PARD3B: variants seen among roughly 807,000 people sequenced by gnomAD.
The protein encoded by PARD3B is partitioning defective 3 homolog B.
In PARD3B, 103 loss-of-function variants were observed where a neutral mutation model predicts 130.2. The observed-to-expected ratio is 0.79, with a 90% CI of 0.67 to 0.93. The LOEUF (loss-of-function observed/expected upper bound fraction) is 0.93. Among genes scored for constraint, PARD3B ranks in the 40% least tolerant of loss-of-function variants. The pLI, the probability that PARD3B is intolerant of heterozygous loss-of-function variation, is 0.00. For missense variants in PARD3B, 1,609 were observed against 1,499.2 expected, an observed-to-expected ratio of 1.07 and a Z score of -1.21; for synonymous variants, 583 against 553.2, an observed-to-expected ratio of 1.05 and a Z score of -0.76.
chr2:204,562,589 T>G (rs1198772975), intron 1 of PARD3B, among the ~76,000 whole-genome samples: 1 of 152,224 alleles, frequency 6.6e-6, no homozygotes, highest in Non-Finnish European at 1.5e-5. Flanking sequence ...ACTTGTCATC[T>G]TGTTTTTCTT....
chr2:204,656,404 T>A (rs1213295163), intron 1 of PARD3B, among the ~76,000 whole-genome samples: 2 of 152,152 alleles, frequency 1.3e-5, no homozygotes, highest in African/African-American at 4.8e-5. Flanking sequence ...ATGGGCAGTA[T>A]GAGCAACTTA....
intron 16 of PARD3B, among the ~76,000 whole-genome samples, chr2:205,246,469 A>C (rs568459399): frequency 2.0e-5 from 3 of 152,044 alleles, no homozygotes; most frequent in African/African-American, 7.2e-5. Flanking sequence ...CTCCATCATC[A>C]TTTATTCACA....
chr2:204,980,123 A>G (rs79642673), intron 3 of PARD3B, among the ~76,000 whole-genome samples: 1,998 of 152,346 alleles, frequency 0.013, 44 homozygotes, highest in East Asian at 0.064. Flanking sequence ...CCTAAAAGTC[A>G]TAAGAGGAAA....
intron 2 of PARD3B, among the ~76,000 whole-genome samples, chr2:204,902,549 G>A (rs981848369): frequency 4.6e-5 from 7 of 151,660 alleles, no homozygotes; most frequent in Admixed American, 3.3e-4. Context: ...GGCGCCTGCA[G>A]TCCCAGCTGC....
chr2:205,426,880 G>A (rs996437408), intron 19 of PARD3B, among the ~76,000 whole-genome samples: 1 of 152,116 alleles, frequency 6.6e-6, no homozygotes, highest in Non-Finnish European at 1.5e-5. Flanking sequence ...CACAGATAAA[G>A]TGCTAATATT....
chr2:204,852,585 C>CTAATATACTAATTTAAATATT (rs1397384657), intron 2 of PARD3B, among the ~76,000 whole-genome samples: 1 of 151,990 alleles, frequency 6.6e-6, no homozygotes, highest in African/African-American at 2.4e-5. Context: ...CAGCTTTAAC[C>CTAATATACTAATTTAAATATT]AGTGGATTTC....
chr2:205,094,013 G>A (rs897645658), intron 4 of PARD3B, among the ~76,000 whole-genome samples: 2 of 152,234 alleles, frequency 1.3e-5, no homozygotes, highest in East Asian at 1.9e-4. Flanking sequence ...AAGAACCCAC[G>A]ATGGTGTAGC....
rs776923283 is a variant in PARD3B, at chr2:205,125,625, T to C, written c.1322T>C (p.Val441Ala). Reference sequence around the variant, plus strand: ...ATTCATTAGGTAAATGGGAGAGATGTCACCGGACGAACCCAGGAAGAGCTT... The same window carrying C: ...ATTCATTAGGTAAATGGGAGAGATGCCACCGGACGAACCCAGGAAGAGCTT... ...DRILEVNGRD[V>A]TGRTQEELVA... is the part of the protein sequence containing the mutation. The change falls in exon 10 of 23, where the codon GTC becomes GCC. Residue 441 changes from valine to alanine, a missense_variant. Transcript: ENST00000406610. This position sits in a 1 kb window ranked among gnomAD's most constrained non-coding sequence, Gnocchi z 4.0. 5.0e-6 allele frequency: 8 copies of C among 1,614,044 alleles called. No homozygotes were observed. The East Asian group carries it at 1.6e-4, about 31-fold the overall frequency.
At chr2:204,823,020 A>T (rs1205285369) in intron 2 of PARD3B, among the ~76,000 whole-genome samples, 1 of 152,184 alleles carries the variant, frequency 6.6e-6, no homozygotes, top group East Asian at 1.9e-4. Flanking sequence ...CAAGTTGCTC[A>T]TCATTTCCCA....
rs552131317 is a variant in PARD3B, at chr2:205,108,467, C to T, written c.593+3953C>T. 7.2e-5 allele frequency among the ~76,000 whole-genome samples: 11 copies of T among 152,098 alleles called. No homozygotes were observed. In the South Asian group the frequency reaches 2.3e-3, roughly 32 times the overall value. ...GCACCTTTCTTTGTTTCCCTTTTCTCCCTTCTTCTTTCTCCTCGTTATTCT... is the reference window on the plus strand; with the variant it reads ...GCACCTTTCTTTGTTTCCCTTTTCTTCCTTCTTCTTTCTCCTCGTTATTCT... On this transcript the variant is annotated intron_variant, in intron 5 of 22. Transcript: ENST00000406610.
chr2:204,856,446 A>G (rs2044942047), intron 2 of PARD3B, among the ~76,000 whole-genome samples: 1 of 152,110 alleles, frequency 6.6e-6, no homozygotes, highest in South Asian at 2.1e-4. Flanking sequence ...TTAGCCCCTT[A>G]TCAGATGGAC....
chr2:205,349,935 AC>A (rs1428827930), intron 18 of PARD3B, among the ~76,000 whole-genome samples: 6 of 151,924 alleles, frequency 3.9e-5, no homozygotes, highest in Non-Finnish European at 7.4e-5. Context: ...TAGTGTAAAC[AC>A]ACAATAAACA....
intron 2 of PARD3B, among the ~76,000 whole-genome samples, chr2:204,880,096 C>T (rs921190271): frequency 6.6e-6 from 1 of 152,070 alleles, no homozygotes; most frequent in Middle Eastern, 3.2e-3. Context: ...ATTGTGCTTC[C>T]TAAAGGGAAA....
At chr2:204,735,079 G>C (rs2039687634) in intron 2 of PARD3B, among the ~76,000 whole-genome samples, 2 of 145,940 alleles carry the variant, frequency 1.4e-5, no homozygotes, top group African/African-American at 5.6e-5. Context: ...CGTTACAGTA[G>C]CAATTGATCC....
At chr2:205,209,115 G>A (rs1473546273) in intron 15 of PARD3B, among the ~76,000 whole-genome samples, 2 of 135,448 alleles carry the variant, frequency 1.5e-5, no homozygotes, top group East Asian at 2.0e-4. Flanking sequence ...AACAAGCAAT[G>A]GGGAAAGGAT....
intron 15 of PARD3B, among the ~76,000 whole-genome samples, chr2:205,195,977 T>G (rs1229492377): frequency 6.6e-6 from 1 of 152,216 alleles, no homozygotes; most frequent in Non-Finnish European, 1.5e-5. Flanking sequence ...AAACTAGTAT[T>G]TTAACTTGCA....
At chr2:205,363,652 T>TTTTTG (rs995808542) in intron 18 of PARD3B, among the ~76,000 whole-genome samples, 3 of 151,520 alleles carry the variant, frequency 2.0e-5, no homozygotes, top group Admixed American at 6.6e-5. Flanking sequence ...GGAGCCTCTG[T>TTTTTG]TTTTGTTTTG....
In PARD3B at chr2:205,193,224, G is replaced by T; in HGVS notation, c.2044G>T (p.Val682Leu). Reference sequence around the variant, plus strand: ...CCACAGCTCTGGGGTGGATTCAGCAGTATATTTTCCAGATCAGCACATCAA... The same window carrying T: ...CCACAGCTCTGGGGTGGATTCAGCATTATATTTTCCAGATCAGCACATCAA... The part of the protein sequence containing the change: ...YSHSSGVDSA[V>L]YFPDQHINFR... The change falls in exon 15 of 23, where the codon GTA becomes TTA. Residue 682 changes from valine to leucine, a missense_variant. By Grantham distance (32) the Val-to-Leu change is conservative. Coordinates refer to ENST00000406610, the MANE Select transcript of PARD3B (RefSeq NM_001302769.2). The T allele has an allele frequency of 6.2e-7, 1 of 1,611,316 alleles. No homozygotes were observed. Among genetic ancestry groups the T allele is most frequent in the East Asian group, 2.2e-5 (1 of 44,858 alleles).
At chr2:205,429,448 A>G (rs1574999167) in intron 19 of PARD3B, among the ~76,000 whole-genome samples, 1 of 152,212 alleles carries the variant, frequency 6.6e-6, no homozygotes, top group East Asian at 1.9e-4. Context: ...AAAAATGACC[A>G]TTGTGCAACC....
Sources: gnomAD v4.1 joint callset for allele counts (sites outside exome capture counted in the v4.1 genomes callset) on GRCh38, gnomAD v4.1.1 for gene constraint, Gnocchi (gnomAD v3.1) non-coding constraint, MANE v1.5 for transcripts, NCBI Gene and HGNC (gene_info 2026-07-23, HGNC 2026-07-21) for gene names.